The following ZFYVE9 variants were observed in gnomAD, a reference collection of about 807,000 sequenced individuals.
ZFYVE9 encodes the protein zinc finger FYVE-type containing 9.
In ZFYVE9, 43 loss-of-function variants were observed where a neutral mutation model predicts 126.7. That is an observed-to-expected ratio of 0.34 (90% CI 0.27 to 0.44). The LOEUF is 0.44. Ranked by LOEUF, ZFYVE9 falls within the 20% of genes least tolerant of loss-of-function variation. The pLI is 1.00. For missense variants in ZFYVE9, 1,476 were observed against 1,697.0 expected, an observed-to-expected ratio of 0.87 and a Z score of 2.29; for synonymous variants, 521 against 597.4, an observed-to-expected ratio of 0.87 and a Z score of 1.87.
At chr1:52,231,128 A>G (rs1260491976) in intron 2 of ZFYVE9, among the ~76,000 whole-genome samples, 1 of 152,244 alleles carries the variant, frequency 6.6e-6, no homozygotes, top group East Asian at 1.9e-4. Context: ...TAGCATTAGT[A>G]GACATTAAAT....
In ZFYVE9 at chr1:52,334,749, C is replaced by A. The variant is rs770715618; in HGVS notation, c.3651C>A (p.Ala1217=). 3 of 1,613,910 alleles carry A rather than the reference C, an allele frequency of 1.9e-6. No homozygotes were observed. In the East Asian group the frequency reaches 6.7e-5, roughly 36 times the overall value. The change falls in exon 15 of 19, where the codon GCC becomes GCA. Residue 1217 remains alanine (A), a synonymous_variant. Coordinates refer to ENST00000287727, the MANE Select transcript of ZFYVE9 (RefSeq NM_004799.4). The part of the protein sequence containing the change: ...GALKSSSGYL[A]KSSIVEDGVM... ...TGAAATCCTCTTCTGGATACCTTGC[C>A]AAGTCCAGTATTGTGGAAGGTAAAG...
intron 13 of ZFYVE9, among the ~76,000 whole-genome samples, chr1:52,322,943 T>C (rs1463223021): frequency 6.6e-6 from 1 of 152,160 alleles, no homozygotes; most frequent in East Asian, 1.9e-4. Context: ...TAGCTGGGAC[T>C]ATAGGCGCCT....
At chr1:52,164,863 G>A (rs1048695406) in intron 1 of ZFYVE9, among the ~76,000 whole-genome samples, 1 of 152,184 alleles carries the variant, frequency 6.6e-6, no homozygotes, top group Admixed American at 6.5e-5. Flanking sequence ...GAGATTCTTA[G>A]CAGTAAAATA....
intron 2 of ZFYVE9, among the ~76,000 whole-genome samples, chr1:52,223,657 G>A (rs932272062): frequency 6.6e-6 from 1 of 152,038 alleles, no homozygotes; most frequent in Non-Finnish European, 1.5e-5. Context: ...AATTCTATGG[G>A]CCTTTCATCT....
intron 9 of ZFYVE9, among the ~76,000 whole-genome samples, chr1:52,280,159 T>A (rs1178313129): frequency 6.6e-6 from 1 of 151,202 alleles, no homozygotes; most frequent in Non-Finnish European, 1.5e-5. Flanking sequence ...GATGAATCAC[T>A]TGAGCCCAGG....
intron 4 of ZFYVE9, among the ~76,000 whole-genome samples, chr1:52,247,565 C>G (rs916519407): frequency 6.6e-6 from 1 of 151,956 alleles, no homozygotes; most frequent in East Asian, 1.9e-4. Flanking sequence ...GGCGCAATCT[C>G]GGCTCACTGC....
At position 52,264,152 on chromosome 1, in the gene ZFYVE9, C is replaced by T. The variant is rs181141346; in HGVS notation, c.2278+280C>T. Reference sequence around the variant, plus strand: ...TGGTGCGAGGTAGTTATTTGTGTTCCTATAAAATAACCAGAGTGAGGTGGG... The same window carrying T: ...TGGTGCGAGGTAGTTATTTGTGTTCTTATAAAATAACCAGAGTGAGGTGGG... On this transcript the variant is annotated intron_variant, in intron 5 of 18. Transcript: ENST00000287727. 37 of 203,686 alleles carry T rather than the reference C, an allele frequency of 1.8e-4. No homozygotes were observed. In the East Asian group the frequency reaches 3.5e-3, roughly 19 times the overall value. The allele number at this position is 203,686 out of a possible 1,614,324, so 12.6% of individuals were successfully genotyped here.
chr1:52,221,538 A>T (rs1289965043), intron 2 of ZFYVE9, among the ~76,000 whole-genome samples: 2 of 152,190 alleles, frequency 1.3e-5, no homozygotes, highest in Non-Finnish European at 2.9e-5. Context: ...TTCTGACTTG[A>T]TGAGGGGTAC....
At chr1:52,164,506 G>A (rs114075047) in intron 1 of ZFYVE9, among the ~76,000 whole-genome samples, 223 of 152,162 alleles carry the variant, frequency 1.5e-3, no homozygotes, top group Non-Finnish European at 2.6e-3. Context: ...GAGCCACTGC[G>A]CCAAGCCGAC....
At chr1:52,219,749 TTGTGTGTGTGTGTGTGTGTGTGTGTG>T (rs56340178) in intron 2 of ZFYVE9, among the ~76,000 whole-genome samples, 82 of 113,344 alleles carry the variant, frequency 7.2e-4, no homozygotes, top group Non-Finnish European at 1.2e-3. Context: ...CCAAGATCTT[TTGTGTGTGTGTGTGTGTGTGTGTGTG>T]TGTGTGTGTG....
At chr1:52,199,751 G>A (rs1557452693) in intron 1 of ZFYVE9, among the ~76,000 whole-genome samples, 2 of 152,218 alleles carry the variant, frequency 1.3e-5, no homozygotes, top group Non-Finnish European at 2.9e-5. Context: ...GTAAGAAACA[G>A]CCAAACTGTC....
chr1:52,321,028 TA>T (rs1461746049), intron 13 of ZFYVE9, among the ~76,000 whole-genome samples: 2 of 152,124 alleles, frequency 1.3e-5, no homozygotes, highest in African/African-American at 4.8e-5. Flanking sequence ...ACCAAAAAGA[TA>T]GGAATAGAGA....
In ZFYVE9 at chr1:52,168,921, G is replaced by A. The variant is rs201478197; in HGVS notation, c.-143+26518G>A. On this transcript the variant is annotated intron_variant, in intron 1 of 18. Coordinates refer to ENST00000287727, the MANE Select transcript of ZFYVE9 (RefSeq NM_004799.4). ...TGCTGGAAATAAGTGGCAGTTGGCC[G>A]ACCCTAATCTGACCCCCCTGGAAAC... Among the ~76,000 whole-genome samples, 13 of 152,104 alleles carry A rather than the reference G, an allele frequency of 8.5e-5. No individual in the cohort carries two copies. In the East Asian group the frequency reaches 2.1e-3, roughly 25 times the overall value.
intron 1 of ZFYVE9, among the ~76,000 whole-genome samples, chr1:52,169,949 T>C (rs557078452): frequency 3.3e-5 from 5 of 152,312 alleles, no homozygotes; most frequent in Admixed American, 3.3e-4. Context: ...CAGAAATACA[T>C]TTTCGTTATG....
intron 8 of ZFYVE9, 98 bp downstream of exon 8, chr1:52,274,682 C>G: frequency 7.6e-7 from 1 of 1,323,944 alleles, no homozygotes; most frequent in South Asian, 2.1e-5. Flanking sequence ...ATTCACCTTT[C>G]TCTTATCCAA....
chr1:52,238,781 G>C lies in ZFYVE9; in HGVS notation c.1364G>C (p.Ser455Thr). ...AGLDLKGTCI[S>T]ESEECDFSTV... ...CTAGATTTAAAAGGAACTTGCATTA[G>C]TGAAAGTGAAGAATGTGATTTCTCC... Residue 455 changes from serine to threonine, a missense_variant, in exon 4 of 19, where the codon AGT becomes ACT. Physicochemically the swap from Ser to Thr is moderately conservative, Grantham distance 58. Transcript: ENST00000287727. The C allele has an allele frequency of 6.2e-7, 1 of 1,614,082 alleles. No individual in the cohort carries two copies.
At position 52,344,762 on chromosome 1, in the gene ZFYVE9, G is replaced by A. The variant is rs1483320219; in HGVS notation, c.3940-6G>A. On this transcript the variant is annotated splice_region_variant and splice_polypyrimidine_tract_variant and intron_variant, in intron 17 of 18. Transcript: ENST00000287727. ...AGTTTAAAAGTCTCTTTTGTTTGGGGAACAGGTGTTTTTCCTAGAAAACGA... is the reference window on the plus strand; with the variant it reads ...AGTTTAAAAGTCTCTTTTGTTTGGGAAACAGGTGTTTTTCCTAGAAAACGA... 2 of 1,612,932 alleles carry A rather than the reference G, an allele frequency of 1.2e-6. No homozygotes were observed.
rs1228060015 is a variant in ZFYVE9, at chr1:52,346,166, G to T, written c.4223G>T (p.Ser1408Ile). 3.1e-6 allele frequency: 5 copies of T among 1,612,936 alleles called. No homozygotes were observed. Among genetic ancestry groups the T allele is most frequent in the Non-Finnish European group, 4.2e-6 (5 of 1,179,162 alleles). The change falls in exon 19 of 19, where the codon AGT (serine) becomes ATT (isoleucine). Residue 1408 changes from serine to isoleucine, a missense_variant. Around this residue, in one of 2 missense-constraint regions of ZFYVE9, gnomAD observed 669 missense variants for 902.4 expected, o/e 0.74. Transcript: ENST00000287727. ...ATCCATGGAGGGGCCTGCCAGCTTA[G>T]TGAGGGCCCCGTTGTCATGGAACTC... ...PVIHGGACQL[S>I]EGPVVMELIF...
chr1:52,253,635 C>T, intron 4 of ZFYVE9: 1 of 1,441,084 alleles, frequency 6.9e-7, no homozygotes. Flanking sequence ...CCACACCAAA[C>T]AAGGCACCTC....
Sources: gnomAD v4.1 joint callset for allele counts (sites outside exome capture counted in the v4.1 genomes callset) on GRCh38, gnomAD v4.1.1 for gene constraint, gnomAD v4.1.1 regional missense constraint, MANE v1.5 for transcripts, NCBI Gene and HGNC (gene_info 2026-07-23, HGNC 2026-07-21) for gene names.